GNB5: variants seen among roughly 807,000 people sequenced by gnomAD.
GNB5 encodes the protein guanine nucleotide-binding protein subunit beta-5.
In GNB5, 37 loss-of-function variants were observed where a neutral mutation model predicts 55.3. The observed-to-expected ratio is 0.67, with a 90% CI of 0.51 to 0.88. GNB5 has a LOEUF of 0.88. Ranked by LOEUF, GNB5 falls within the 40% of genes least tolerant of loss-of-function variation. GNB5 has a pLI of 0.00. For missense variants in GNB5, 476 were observed against 515.3 expected (o/e 0.92, Z 0.74); for synonymous variants, 219 against 198.5 (o/e 1.10, Z -0.87).
intron 3 of GNB5, among the ~76,000 whole-genome samples, chr15:52,169,722 G>A (rs1272277747): frequency 6.6e-6 from 1 of 151,914 alleles, no homozygotes; most frequent in Non-Finnish European, 1.5e-5. Context: ...TTGATAAATG[G>A]GATCTAATTA....
intron 1 of GNB5, among the ~76,000 whole-genome samples, chr15:52,188,050 C>A (rs780053760): frequency 6.6e-6 from 1 of 152,050 alleles, no homozygotes; most frequent in Non-Finnish European, 1.5e-5. Context: ...CAACAACTGA[C>A]CTGTTGGCAT....
At chr15:52,157,558 T>C (rs1190377436) in intron 3 of GNB5, among the ~76,000 whole-genome samples, 1 of 152,188 alleles carries the variant, frequency 6.6e-6, no homozygotes, top group African/African-American at 2.4e-5. Context: ...AGGCCTTTTA[T>C]ATAAGGCTCT....
intron 3 of GNB5, among the ~76,000 whole-genome samples, chr15:52,167,293 T>C (rs969253394): frequency 2.6e-5 from 4 of 152,070 alleles, no homozygotes; most frequent in Admixed American, 1.3e-4. Context: ...TTCTAAACAA[T>C]TGAAAAGGAG....
chr15:52,140,444 G>T (rs971989214), intron 7 of GNB5, among the ~76,000 whole-genome samples: 1 of 152,136 alleles, frequency 6.6e-6, no homozygotes, highest in Non-Finnish European at 1.5e-5. Context: ...GCAAGTCTGT[G>T]ACCAACCCCT....
In GNB5 at chr15:52,185,750, C is replaced by CTT. The variant is rs200299592; in HGVS notation, c.-18-1058_-18-1057dup. ...TCCCCACTTTGAGCTGTGTATTCAT[C>CTT]TTTTTATTATTATTATTATTATTAT... On this transcript the variant is annotated intron_variant, in intron 1 of 12. Transcript: ENST00000261837. 6.0e-4 allele frequency among the ~76,000 whole-genome samples: 74 copies of CTT among 123,670 alleles called. 1 individual carries two copies. Among genetic ancestry groups the CTT allele is most frequent in the South Asian group, 3.3e-3 (13 of 3,888 alleles). The allele number at this position is 123,670 out of a possible 152,430, so 81.1% of individuals were successfully genotyped here. A position where few individuals can be genotyped will look rare whatever the true frequency, so the allele number is the denominator to read the frequency against.
intron 3 of GNB5, among the ~76,000 whole-genome samples, chr15:52,161,206 C>T (rs184717168): frequency 2.0e-5 from 3 of 152,238 alleles, no homozygotes; most frequent in Middle Eastern, 3.4e-3. Flanking sequence ...AATCTGTGGG[C>T]GGGTAGCTAT....
At chr15:52,160,950 G>A (rs1283661473) in intron 3 of GNB5, among the ~76,000 whole-genome samples, 2 of 152,164 alleles carry the variant, frequency 1.3e-5, no homozygotes, top group Non-Finnish European at 2.9e-5. Context: ...ATTTCAATTC[G>A]TGGAATTACT....
At position 52,122,459 on chromosome 15, in the gene GNB5, A is replaced by G. The variant is rs2033294089; in HGVS notation, c.*298T>C. On this transcript the variant is annotated 3_prime_UTR_variant, in exon 13 of 13. Coordinates refer to ENST00000261837, the MANE Select transcript of GNB5 (RefSeq NM_016194.4). ...AACTGCTGAATTCTACTGGTGACAG[A>G]ATGAGTTGAGGCTACTATAATTTAG... 2 of 361,156 alleles carry G rather than the reference A, an allele frequency of 5.5e-6. No homozygotes were observed. Among genetic ancestry groups the G allele is most frequent in the Non-Finnish European group, 1.0e-5 (2 of 199,782 alleles). 22.4% of individuals were successfully genotyped at this position (361,156 alleles called of 1,614,324 possible).
chr15:52,177,662 A>G (rs1001355202), intron 3 of GNB5, among the ~76,000 whole-genome samples: 37 of 151,956 alleles, frequency 2.4e-4, no homozygotes, highest in Non-Finnish European at 4.6e-4. Flanking sequence ...AAAAAAAAAA[A>G]AAAAGAAAAG....
intron 3 of GNB5, among the ~76,000 whole-genome samples, chr15:52,169,555 A>G (rs556861596): frequency 0.012 from 1,759 of 149,954 alleles, 32 homozygotes; most frequent in African/African-American, 0.041. Flanking sequence ...AAAAAAAAAA[A>G]AAAAAAAAGA....
Position 52,122,131 on chromosome 15 carries a change from C to T in GNB5, c.*626G>A, listed in dbSNP as rs1364179381. ...AGTCAAACCACCTGTCCTTTTTAGG[C>T]ATTTCTCTGCGTCATTTACAGCAGT... is the stretch of plus-strand genomic sequence containing the variant. On this transcript the variant is annotated 3_prime_UTR_variant, in exon 13 of 13. Coordinates refer to ENST00000261837, the MANE Select transcript of GNB5 (RefSeq NM_016194.4). 1.3e-5 allele frequency: 2 copies of T among 152,190 alleles called. No homozygotes were observed. Among genetic ancestry groups the T allele is most frequent in the Non-Finnish European group, 2.9e-5 (2 of 68,046 alleles). The allele number at this position is 152,190 out of a possible 1,614,324, so 9.4% of individuals were successfully genotyped here. A position where few individuals can be genotyped will look rare whatever the true frequency, so the allele number is the denominator to read the frequency against.
intron 7 of GNB5, chr15:52,137,247 C>T (rs1022390233): frequency 2.6e-6 from 3 of 1,156,740 alleles, no homozygotes; most frequent in Middle Eastern, 4.0e-4. Flanking sequence ...GTTGACATCA[C>T]CAGTAGACAA....
chr15:52,172,592 C>T (rs912955000), intron 3 of GNB5, among the ~76,000 whole-genome samples: 2 of 151,946 alleles, frequency 1.3e-5, no homozygotes, highest in Non-Finnish European at 2.9e-5. Context: ...CCAGCCTGGG[C>T]GACATGGAGA....
intron 6 of GNB5, chr15:52,147,245 C>T: frequency 2.3e-6 from 1 of 426,602 alleles, no homozygotes. Flanking sequence ...TCAAGTGATC[C>T]TCCCACCTCA....
chr15:52,153,882 C>T lies in GNB5; in HGVS notation c.375+58G>A, dbSNP rs376777239. ...GCTTTTGGAAAGGGACAGCTCTCCT[C>T]CCCCTTAGCTATAAAATCCAAAACC... On this transcript the variant is annotated intron_variant, in intron 4 of 12. Coordinates refer to ENST00000261837, the MANE Select transcript of GNB5 (RefSeq NM_016194.4). The T allele has an allele frequency of 3.9e-5, 58 of 1,481,066 alleles. 1 individual carries two copies. The highest frequency in any genetic ancestry group is 2.1e-4 in the African/African-American group (15 of 72,142). The allele number at this position is 1,481,066 out of a possible 1,614,324, so 91.7% of individuals were successfully genotyped here. A position where few individuals can be genotyped will look rare whatever the true frequency, so the allele number is the denominator to read the frequency against.
chr15:52,158,017 A>AT lies in GNB5; in HGVS notation c.239-3942dup, dbSNP rs578004998. The stretch of plus-strand genomic sequence containing the variant: ...TGGAGGACCATTCCTCCAGGATTTA[A>AT]TTTTTTTTTTTAATGGTGAATATAA... On this transcript the variant is annotated intron_variant, in intron 3 of 12. Transcript: ENST00000261837. 8.7e-3 allele frequency among the ~76,000 whole-genome samples: 1,288 copies of AT among 147,658 alleles called. 8 individuals are homozygous for AT. The highest frequency in any genetic ancestry group is 0.013 in the African/African-American group (521 of 40,546).
rs2033140678 is a variant in GNB5, at chr15:52,116,235, G to C, written c.*6522C>G. 6.6e-6 allele frequency: 1 copy of C among 152,210 alleles called. No homozygotes were observed. Among genetic ancestry groups the C allele is most frequent in the East Asian group, 1.9e-4 (1 of 5,194 alleles). The allele number at this position is 152,210 out of a possible 1,614,324, so 9.4% of individuals were successfully genotyped here. A position where few individuals can be genotyped will look rare whatever the true frequency, so the allele number is the denominator to read the frequency against. Reference sequence around the variant, plus strand: ...CAGTGACCTCTGCTTCATGGTTCCTGGTTTCTGACAAAGTTAATCTTTCAC... The same window carrying C: ...CAGTGACCTCTGCTTCATGGTTCCTCGTTTCTGACAAAGTTAATCTTTCAC... On this transcript the variant is annotated 3_prime_UTR_variant, in exon 13 of 13. Coordinates refer to ENST00000261837, the MANE Select transcript of GNB5 (RefSeq NM_016194.4).
chr15:52,174,026 G>A (rs2034601622), intron 3 of GNB5, among the ~76,000 whole-genome samples: 1 of 152,134 alleles, frequency 6.6e-6, no homozygotes, highest in Non-Finnish European at 1.5e-5. Flanking sequence ...AGATTATCCT[G>A]GATTATCCAG....
At chr15:52,128,954 CTTTT>C (rs536792407) in intron 9 of GNB5, among the ~76,000 whole-genome samples, 1 of 127,018 alleles carries the variant, frequency 7.9e-6, no homozygotes, top group African/African-American at 3.1e-5. Context: ...ATTGTTTCTC[CTTTT>C]TTTTTTTTTT....
Sources: allele counts gnomAD v4.1 joint callset (sites outside exome capture counted in the v4.1 genomes callset), GRCh38; gene constraint gnomAD v4.1.1; transcripts MANE v1.5; gene names NCBI Gene and HGNC (gene_info 2026-07-23, HGNC 2026-07-21).